NPC2: variants seen among roughly 807,000 people sequenced by gnomAD.
NPC2 encodes the protein NPC intracellular cholesterol transporter 2.
NPC2 carries 14 observed loss-of-function variants against 17.0 expected under a neutral mutation model. The ratio of observed to expected loss-of-function variants is 0.82; its 90% CI spans 0.54 to 1.29. NPC2 has a LOEUF of 1.29. NPC2 is among the 50% of genes most tolerant of loss of function. The pLI is 0.00. For missense variants in NPC2, 167 were observed against 183.4 expected (o/e 0.91, Z 0.52); for synonymous variants, 75 against 69.3 (o/e 1.08, Z -0.41).
intron 1 of NPC2, among the ~76,000 whole-genome samples, chr14:74,490,632 G>T (rs999091264): frequency 2.6e-5 from 4 of 152,196 alleles, no homozygotes; most frequent in Non-Finnish European, 4.4e-5. Context: ...CTGATGACAA[G>T]AGGTTCTTAG....
At chr14:74,486,226 A>T in intron 2 of NPC2, 103 bp downstream of exon 2, 1 of 1,063,808 alleles carries the variant, frequency 9.4e-7, no homozygotes, top group Non-Finnish European at 1.4e-6. Flanking sequence ...CATAAAATTC[A>T]TGACTGCCAA....
In NPC2 at chr14:74,493,110, C is replaced by G. The variant is rs913000687; in HGVS notation, c.82+83G>C. The G allele has an allele frequency of 6.6e-6, 10 of 1,517,156 alleles. No individual in the cohort carries two copies. Among genetic ancestry groups the G allele is most frequent in the Non-Finnish European group, 8.0e-6 (9 of 1,119,774 alleles). 94.0% of individuals were successfully genotyped at this position (1,517,156 alleles called of 1,614,324 possible). A position where few individuals can be genotyped will look rare whatever the true frequency, so the allele number is the denominator to read the frequency against. On this transcript the variant is annotated intron_variant, in intron 1 of 4. Coordinates refer to ENST00000555619, the MANE Select transcript of NPC2 (RefSeq NM_006432.5). This position sits in a 1 kb window ranked among gnomAD's most constrained non-coding sequence, Gnocchi z 4.1. Reference sequence around the variant, plus strand: ...CTGGCCGCCCGAGGGATCCGCCCAGCCCAGCCCCAGGGGTCTCAGCGCGGG... The same window carrying G: ...CTGGCCGCCCGAGGGATCCGCCCAGGCCAGCCCCAGGGGTCTCAGCGCGGG...
chr14:74,483,176 T>C (rs932565037), intron 3 of NPC2: 2 of 846,764 alleles, frequency 2.4e-6, no homozygotes, highest in Admixed American at 3.7e-5. Flanking sequence ...ATGAGGGATT[T>C]GTATATGAAG....
chr14:74,492,471 C>A (rs184742243), intron 1 of NPC2, among the ~76,000 whole-genome samples: 1 of 152,340 alleles, frequency 6.6e-6, no homozygotes, highest in Admixed American at 6.5e-5. Flanking sequence ...CAGTTTCATG[C>A]CTCTTTCATT....
chr14:74,480,497 C>CA, intron 4 of NPC2: 1 of 695,320 alleles, frequency 1.4e-6, no homozygotes, highest in South Asian at 1.6e-5. Flanking sequence ...TTCCTTCAAC[C>CA]TTTTTTTTTT....
intron 1 of NPC2, among the ~76,000 whole-genome samples, chr14:74,492,213 G>C (rs1276286817): frequency 6.6e-6 from 1 of 152,160 alleles, no homozygotes; most frequent in Admixed American, 6.5e-5. Flanking sequence ...ACTGATCTGA[G>C]TAACAATAAA....
Position 74,484,601 on chromosome 14 carries a change from A to G in NPC2, c.191-14T>C. On this transcript the variant is annotated splice_polypyrimidine_tract_variant and intron_variant, in intron 2 of 4. Coordinates refer to ENST00000555619, the MANE Select transcript of NPC2 (RefSeq NM_006432.5). ...TAGACTGAATATCTAAGAGAAAAAA[A>G]GAGAATCAGATGGCAAAGAAAATAA... 1 of 1,614,030 alleles carries G rather than the reference A, an allele frequency of 6.2e-7. No individual in the cohort carries two copies. The highest frequency in any genetic ancestry group is 8.5e-7 in the Non-Finnish European group (1 of 1,179,968).
At chr14:74,483,267 A>G in intron 3 of NPC2, 1 of 1,073,076 alleles carries the variant, frequency 9.3e-7, no homozygotes, top group Non-Finnish European at 1.4e-6. Context: ...CTGGTTAAGG[A>G]CACAGAAGAT....
At chr14:74,487,808 G>T (rs1483716547) in intron 1 of NPC2, among the ~76,000 whole-genome samples, 2 of 152,194 alleles carry the variant, frequency 1.3e-5, no homozygotes, top group Non-Finnish European at 2.9e-5. Context: ...AGACTCTATG[G>T]AAATTGTACC....
intron 2 of NPC2, 94 bp from the exon 3 acceptor site, chr14:74,484,681 C>T (rs545650076): frequency 1.5e-6 from 2 of 1,297,356 alleles, no homozygotes; most frequent in Non-Finnish European, 2.2e-6. Context: ...CAACAGCATT[C>T]CTAGGGTCTA....
At chr14:74,482,124 C>T (rs1194536882) in intron 3 of NPC2, among the ~76,000 whole-genome samples, 4 of 152,178 alleles carry the variant, frequency 2.6e-5, no homozygotes, top group African/African-American at 4.8e-5. Flanking sequence ...TCACTGCATA[C>T]GTAACTGAGG....
rs377583040 is a variant in NPC2 at position 74,484,299 on chromosome 14, T to TGC, written c.363+115_363+116insGC. 47 of 1,134,814 alleles carry TGC rather than the reference T, an allele frequency of 4.1e-5. No individual in the cohort carries two copies. In the African/African-American group the frequency reaches 6.4e-4, roughly 15 times the overall value. The allele number at this position is 1,134,814 out of a possible 1,614,324, so 70.3% of individuals were successfully genotyped here. On this transcript the variant is annotated intron_variant, in intron 3 of 4. Transcript: ENST00000555619. ...ACCTATCTCCTTTCCCTCGGGCTTC[T>TGC]TCTTCATCATAGAGATAAGGGGCCC...
Position 74,486,252 on chromosome 14 carries a change from T to C in NPC2, c.190+77A>G, listed in dbSNP as rs2086711371. On this transcript the variant is annotated intron_variant, in intron 2 of 4. Coordinates refer to ENST00000555619, the MANE Select transcript of NPC2 (RefSeq NM_006432.5). ...TGACTGCCAATTCCCCTCCCCTCCATTCCCATGCTTATTCCAACACTTGAT... is the reference window on the plus strand; with the variant it reads ...TGACTGCCAATTCCCCTCCCCTCCACTCCCATGCTTATTCCAACACTTGAT... 4 of 1,279,520 alleles carry C rather than the reference T, an allele frequency of 3.1e-6. No individual in the cohort carries two copies. The South Asian group carries it at 3.8e-5, about 12-fold the overall frequency. The allele number at this position is 1,279,520 out of a possible 1,614,324, so 79.3% of individuals were successfully genotyped here. A position where few individuals can be genotyped will look rare whatever the true frequency, so the allele number is the denominator to read the frequency against.
At chr14:74,490,206 A>C (rs2139673647) in intron 1 of NPC2, among the ~76,000 whole-genome samples, 1 of 152,370 alleles carries the variant, frequency 6.6e-6, no homozygotes, top group African/African-American at 2.4e-5. Context: ...GTACTATAAA[A>C]GTATGATATG....
At position 74,493,127 on chromosome 14, in the gene NPC2, C is replaced by T. The variant is rs1181942108; in HGVS notation, c.82+66G>A. The T allele has an allele frequency of 1.1e-5, 17 of 1,548,648 alleles. No individual in the cohort carries two copies. In the East Asian group the frequency reaches 4.0e-4, roughly 37 times the overall value. On this transcript the variant is annotated intron_variant, in intron 1 of 4. Coordinates refer to ENST00000555619, the MANE Select transcript of NPC2 (RefSeq NM_006432.5). The surrounding 1 kb of genome is among the most constrained non-coding windows in gnomAD (Gnocchi z 4.1). ...CCGCCCAGCCCAGCCCCAGGGGTCT[C>T]AGCGCGGGGGTCCGGCGGGGCCTTC...
intron 3 of NPC2, chr14:74,483,377 G>A: frequency 7.0e-7 from 1 of 1,431,204 alleles, no homozygotes; most frequent in Non-Finnish European, 9.8e-7. Context: ...ATGGAACTGT[G>A]CCATTTTAGA....
intron 1 of NPC2, among the ~76,000 whole-genome samples, chr14:74,489,634 A>C (rs779554225): frequency 9.2e-5 from 14 of 152,262 alleles, no homozygotes; most frequent in South Asian, 6.2e-4. Flanking sequence ...TGACCAAAAA[A>C]GGTTTAAATA....
intron 1 of NPC2, among the ~76,000 whole-genome samples, chr14:74,491,290 C>T (rs745768901): frequency 1.3e-5 from 2 of 152,116 alleles, no homozygotes; most frequent in Admixed American, 1.3e-4. Flanking sequence ...CCAGGATGGT[C>T]TCAATCTCTT....
intron 1 of NPC2, 64 bp from the exon 2 acceptor site, chr14:74,486,500 A>C (rs1226111588): frequency 2.3e-6 from 3 of 1,328,420 alleles, no homozygotes; most frequent in Non-Finnish European, 3.2e-6. Flanking sequence ...TAGGCTGCCC[A>C]CCACCTAATG....
Sources: gnomAD v4.1 joint callset for allele counts (sites outside exome capture counted in the v4.1 genomes callset) on GRCh38, gnomAD v4.1.1 for gene constraint, Gnocchi (gnomAD v3.1) non-coding constraint, MANE v1.5 for transcripts, NCBI Gene and HGNC (gene_info 2026-07-23, HGNC 2026-07-21) for gene names.